CTNNA3: variants seen among roughly 807,000 people sequenced by gnomAD.
CTNNA3 encodes the protein catenin alpha 3.
Under a neutral mutation model 95.7 loss-of-function variants are expected in CTNNA3, and 76 were observed. That is an observed-to-expected ratio of 0.79 (90% CI 0.66 to 0.96). CTNNA3 has a LOEUF of 0.96. CTNNA3 is among the 40% of genes least tolerant of loss of function. CTNNA3 has a pLI of 0.00. For synonymous variants in CTNNA3, 431 were observed against 374.4 expected, an observed-to-expected ratio of 1.15 and a Z score of -1.74; for missense variants, 1,191 against 1,089.8, an observed-to-expected ratio of 1.09 and a Z score of -1.31.
chr10:67,202,621 T>C (rs1863700915), intron 6 of CTNNA3, among the ~76,000 whole-genome samples: 1 of 152,178 alleles, frequency 6.6e-6, no homozygotes, highest in South Asian at 2.1e-4. Context: ...ATAATTCTCA[T>C]AGGCTACTTC....
chr10:67,559,382 T>C (rs1227150678), intron 3 of CTNNA3, among the ~76,000 whole-genome samples: 1 of 152,110 alleles, frequency 6.6e-6, no homozygotes, highest in Admixed American at 6.6e-5. Context: ...GCAAACAGGG[T>C]CTGGAGTGGA....
intron 5 of CTNNA3, among the ~76,000 whole-genome samples, chr10:67,266,346 C>T (rs1866825107): frequency 6.6e-6 from 1 of 152,044 alleles, no homozygotes; most frequent in Non-Finnish European, 1.5e-5. Context: ...TCCCCTGTCC[C>T]CTCCATGGCT....
At chr10:66,496,816 A>G (rs1330436311) in intron 11 of CTNNA3, among the ~76,000 whole-genome samples, 2 of 152,210 alleles carry the variant, frequency 1.3e-5, no homozygotes, top group Non-Finnish European at 2.9e-5. Flanking sequence ...TTGTCAGTGC[A>G]TTCATAACAC....
rs565362401 is a variant in CTNNA3, at chr10:66,692,937, T to A, written c.1282-71153A>T. 6.9e-3 allele frequency among the ~76,000 whole-genome samples: 1,054 copies of A among 152,250 alleles called. 15 individuals carry two copies. The highest frequency in any genetic ancestry group is 6.9e-3 in the Non-Finnish European group (466 of 68,020). On this transcript the variant is annotated intron_variant, in intron 9 of 17. Transcript: ENST00000433211. ...TGAGAGATTTTGTCACCACCAGGCC[T>A]GCCCTAAAAGAGCTCCTGAAGGAAG...
At chr10:66,771,115 G>T (rs561560603) in intron 8 of CTNNA3, among the ~76,000 whole-genome samples, 436 of 152,176 alleles carry the variant, frequency 2.9e-3, no homozygotes, top group Non-Finnish European at 4.3e-3. Flanking sequence ...AAGAGAGATG[G>T]ACCTAACAAT....
In CTNNA3 at chr10:66,520,611, A is replaced by G. The variant is rs1841026996; in HGVS notation, c.1531+6T>C. ...AAATAAACAAATTAAAAGAATAAAA[A>G]CATACCAGATACAGCAAGGAAGTCA... is the stretch of plus-strand genomic sequence containing the variant. On this transcript the variant is annotated splice_donor_region_variant and intron_variant, in intron 11 of 17. Transcript: ENST00000433211. The G allele has an allele frequency of 1.3e-6, 2 of 1,595,448 alleles. No homozygotes were observed. Among genetic ancestry groups the G allele is most frequent in the Non-Finnish European group, 1.7e-6 (2 of 1,170,562 alleles).
Position 65,912,779 on chromosome 10 carries a change from G to A in CTNNA3, c.*7551C>T, listed in dbSNP as rs965694337. Reference sequence around the variant, plus strand: ...GGAGTATTTGGGCTTCTATGTCAATGTCATAGGAAAGAGCTTTTTCTATTT... The same window carrying A: ...GGAGTATTTGGGCTTCTATGTCAATATCATAGGAAAGAGCTTTTTCTATTT... On this transcript the variant is annotated 3_prime_UTR_variant, in exon 18 of 18. Transcript: ENST00000433211. 1 of 152,144 alleles carries A rather than the reference G, an allele frequency of 6.6e-6. No homozygotes were observed. The highest frequency in any genetic ancestry group is 1.5e-5 in the Non-Finnish European group (1 of 68,032). 9.4% of individuals were successfully genotyped at this position (152,144 alleles called of 1,614,324 possible).
In CTNNA3 at chr10:65,915,031, A is replaced by G. The variant is rs141260349; in HGVS notation, c.*5299T>C. 2.7e-3 allele frequency: 412 copies of G among 152,270 alleles called. 4 individuals carry two copies. The highest frequency in any genetic ancestry group is 9.4e-3 in the African/African-American group (390 of 41,554). 9.4% of individuals were successfully genotyped at this position (152,270 alleles called of 1,614,324 possible). A position where few individuals can be genotyped will look rare whatever the true frequency, so the allele number is the denominator to read the frequency against. ...TTGAATAAGATAATAGTTAGCATTT[A>G]ACACAGAGCTGGCACATGAGGGCAA... On this transcript the variant is annotated 3_prime_UTR_variant, in exon 18 of 18. Coordinates refer to ENST00000433211, the MANE Select transcript of CTNNA3 (RefSeq NM_013266.4).
In CTNNA3 at chr10:65,918,911, T is replaced by C. The variant is rs1007546110; in HGVS notation, c.*1419A>G. The C allele has an allele frequency of 6.6e-6, 1 of 152,212 alleles. No individual in the cohort carries two copies. Among genetic ancestry groups the C allele is most frequent in the African/African-American group, 2.4e-5 (1 of 41,456 alleles). 9.4% of individuals were successfully genotyped at this position (152,212 alleles called of 1,614,324 possible). A position where few individuals can be genotyped will look rare whatever the true frequency, so the allele number is the denominator to read the frequency against. Reference sequence around the variant, plus strand: ...TCTCCTAATATCAACTGGTATTGTATGTGTAAATTTTTTTCTCATCAATCT... The same window carrying C: ...TCTCCTAATATCAACTGGTATTGTACGTGTAAATTTTTTTCTCATCAATCT... On this transcript the variant is annotated 3_prime_UTR_variant, in exon 18 of 18. Transcript: ENST00000433211.
intron 10 of CTNNA3, among the ~76,000 whole-genome samples, chr10:66,594,613 G>T (rs1042942201): frequency 6.6e-6 from 1 of 152,102 alleles, no homozygotes; most frequent in Non-Finnish European, 1.5e-5. Context: ...ATTGTACACG[G>T]TTTTTTCCTT....
At chr10:66,783,557 T>C (rs921082869) in intron 7 of CTNNA3, among the ~76,000 whole-genome samples, 5 of 152,116 alleles carry the variant, frequency 3.3e-5, no homozygotes, top group African/African-American at 1.2e-4. Flanking sequence ...AAAGCAGCTG[T>C]GATGCTAATA....
In CTNNA3 at chr10:66,773,772, A is replaced by C. The variant is rs549377030; in HGVS notation, c.1128+1672T>G. On this transcript the variant is annotated intron_variant, in intron 8 of 17. Transcript: ENST00000433211. ...TCAGAGCACAGCAGTTTTCTACAAG[A>C]TGGGAGTATCTTCTTACTATGAAGA... Among the ~76,000 whole-genome samples the C allele has an allele frequency of 7.3e-4, 111 of 152,308 alleles. No individual in the cohort carries two copies. In the South Asian group the frequency reaches 0.018, roughly 24 times the overall value.
In CTNNA3 at chr10:66,927,397, A is replaced by G; in HGVS notation, c.1048-151873T>C. On this transcript the variant is annotated intron_variant, in intron 7 of 17. Transcript: ENST00000433211. The surrounding 1 kb of genome is among the most constrained non-coding windows in gnomAD (Gnocchi z 4.7). Reference sequence around the variant, plus strand: ...GTTTCGGGGCTTGCGGAAGCTGCTGAGTTTACATTTACGGTCTAACTCCCT... The same window carrying G: ...GTTTCGGGGCTTGCGGAAGCTGCTGGGTTTACATTTACGGTCTAACTCCCT... 6.2e-7 allele frequency: 1 copy of G among 1,614,170 alleles called. No homozygotes were observed. Among genetic ancestry groups the G allele is most frequent in the Non-Finnish European group, 8.5e-7 (1 of 1,180,032 alleles).
chr10:66,525,612 A>C (rs1237981015), intron 10 of CTNNA3, among the ~76,000 whole-genome samples: 2 of 152,158 alleles, frequency 1.3e-5, no homozygotes, highest in Non-Finnish European at 2.9e-5. Flanking sequence ...GGTGTAAAGA[A>C]AAACAAAAGA....
chr10:67,613,180 G>T (rs1353932893), intron 2 of CTNNA3, among the ~76,000 whole-genome samples: 1 of 152,052 alleles, frequency 6.6e-6, no homozygotes, highest in Non-Finnish European at 1.5e-5. Flanking sequence ...TCAACCTGGG[G>T]TGACTCCCTC....
chr10:66,196,478 C>T (rs1284372005), intron 13 of CTNNA3, among the ~76,000 whole-genome samples: 3 of 152,148 alleles, frequency 2.0e-5, no homozygotes, highest in Admixed American at 6.6e-5. Flanking sequence ...CAACCAGAAA[C>T]TCCATGCCTC....
chr10:66,019,476 T>C (rs2079157702), intron 15 of CTNNA3, among the ~76,000 whole-genome samples: 1 of 152,178 alleles, frequency 6.6e-6, no homozygotes, highest in Non-Finnish European at 1.5e-5. Flanking sequence ...CTTCTCCTAC[T>C]GTAGCATTCC....
At chr10:67,139,579 AT>A in intron 7 of CTNNA3, among the ~76,000 whole-genome samples, 1 of 150,886 alleles carries the variant, frequency 6.6e-6, no homozygotes, top group South Asian at 2.1e-4. Flanking sequence ...CACCCAGCTA[AT>A]TTTTGTATTT....
chr10:67,758,628 C>T (rs1178463691), intron 1 of CTNNA3, among the ~76,000 whole-genome samples: 1 of 151,756 alleles, frequency 6.6e-6, no homozygotes, highest in Non-Finnish European at 1.5e-5. Flanking sequence ...ATTTCAGTTG[C>T]CTTTATAAAA....
Sources: gnomAD v4.1 joint callset for allele counts (sites outside exome capture counted in the v4.1 genomes callset) on GRCh38, gnomAD v4.1.1 for gene constraint, Gnocchi (gnomAD v3.1) non-coding constraint, MANE v1.5 for transcripts, NCBI Gene and HGNC (gene_info 2026-07-23, HGNC 2026-07-21) for gene names.